Variants in EPB41L3 observed in about 807,000 individuals in gnomAD.
EPB41L3 encodes band 4.1-like protein 3.
A neutral mutation model predicts 127.1 loss-of-function variants in EPB41L3; 57 were observed. The observed-to-expected ratio is 0.45, with a 90% CI of 0.36 to 0.56. The LOEUF is 0.56. Among genes scored for constraint, EPB41L3 ranks in the 20% least tolerant of loss-of-function variants. EPB41L3 has a pLI of 0.00. For synonymous variants in EPB41L3, 572 were observed against 549.5 expected, an observed-to-expected ratio of 1.04 and a Z score of -0.57; for missense variants, 1,273 against 1,372.2, an observed-to-expected ratio of 0.93 and a Z score of 1.14.
intron 3 of EPB41L3, among the ~76,000 whole-genome samples, chr18:5,451,981 C>T (rs539387447): frequency 7.9e-5 from 12 of 152,226 alleles, no homozygotes; most frequent in African/African-American, 2.4e-4. Flanking sequence ...TGGGATTACA[C>T]CTGCCCGCCA....
intron 3 of EPB41L3, among the ~76,000 whole-genome samples, chr18:5,592,903 A>G (rs944776463): frequency 1.3e-5 from 2 of 152,248 alleles, no homozygotes; most frequent in Non-Finnish European, 2.9e-5. Flanking sequence ...TTGCAATTAA[A>G]AAAGAAAACA....
intron 1 of EPB41L3, among the ~76,000 whole-genome samples, chr18:5,490,105 C>A (rs1172746939): frequency 6.6e-6 from 1 of 152,136 alleles, no homozygotes; most frequent in East Asian, 1.9e-4. Flanking sequence ...ACATTTTTTT[C>A]TCCTACTAAT....
At position 5,397,515 on chromosome 18, in the gene EPB41L3, A is replaced by G; in HGVS notation, c.2473-89T>C. ...AAAGCTGCCACTCGCCAGGATGTCT[A>G]AAGCCAGCAGCAAGTGCTTATAACC... is the stretch of plus-strand genomic sequence containing the variant. On this transcript the variant is annotated intron_variant, in intron 17 of 22. Coordinates refer to ENST00000341928, the MANE Select transcript of EPB41L3 (RefSeq NM_012307.5). The surrounding 1 kb of genome is among the most constrained non-coding windows in gnomAD (Gnocchi z 4.1). The G allele has an allele frequency of 1.4e-6, 2 of 1,457,402 alleles. No homozygotes were observed. Among genetic ancestry groups the G allele is most frequent in the Non-Finnish European group, 1.8e-6 (2 of 1,091,982 alleles). 90.3% of individuals were successfully genotyped at this position (1,457,402 alleles called of 1,614,324 possible).
At chr18:5,525,643 CAT>C (rs1338120462) in intron 1 of EPB41L3, among the ~76,000 whole-genome samples, 1 of 152,080 alleles carries the variant, frequency 6.6e-6, no homozygotes, top group African/African-American at 2.4e-5. Context: ...GATTATAACA[CAT>C]ATGATTATTA....
chr18:5,396,105 T>C (rs2073400981), intron 19 of EPB41L3, 96 bp downstream of exon 19: 1 of 1,457,754 alleles, frequency 6.9e-7, no homozygotes, highest in African/African-American at 1.4e-5. Flanking sequence ...CCTCTAAGTC[T>C]CATGAATTAA....
At chr18:5,579,249 C>G (rs1171566175) in intron 3 of EPB41L3, among the ~76,000 whole-genome samples, 3 of 152,142 alleles carry the variant, frequency 2.0e-5, no homozygotes, top group Non-Finnish European at 4.4e-5. Flanking sequence ...TAAAGGCATA[C>G]TTTACATGCC....
In EPB41L3 at chr18:5,397,674, G is replaced by C. The variant is rs1233659643; in HGVS notation, c.2473-248C>G. Among the ~76,000 whole-genome samples the C allele has an allele frequency of 6.6e-6, 1 of 152,186 alleles. No individual in the cohort carries two copies. Among genetic ancestry groups the C allele is most frequent in the Non-Finnish European group, 1.5e-5 (1 of 68,040 alleles). On this transcript the variant is annotated intron_variant, in intron 17 of 22. Transcript: ENST00000341928. This position sits in a 1 kb window ranked among gnomAD's most constrained non-coding sequence, Gnocchi z 4.1. ...ACATCCGCAAAACAAACGGAAGGCA[G>C]GATAAAGTGCAATTAACAAAACAAA... is the stretch of plus-strand genomic sequence containing the variant.
chr18:5,420,518 G>A (rs2077346407), intron 11 of EPB41L3, among the ~76,000 whole-genome samples: 1 of 152,094 alleles, frequency 6.6e-6, no homozygotes, highest in Non-Finnish European at 1.5e-5. Context: ...GTACAGAAAT[G>A]TTTTCATTTC....
intron 1 of EPB41L3, among the ~76,000 whole-genome samples, chr18:5,526,412 C>T (rs373006062): frequency 6.6e-6 from 1 of 152,190 alleles, no homozygotes; most frequent in Non-Finnish European, 1.5e-5. Flanking sequence ...CCTTTATCAA[C>T]GAGACACATT....
intron 1 of EPB41L3, among the ~76,000 whole-genome samples, chr18:5,520,924 T>G (rs2092964993): frequency 6.6e-6 from 1 of 152,102 alleles, no homozygotes; most frequent in Non-Finnish European, 1.5e-5. Context: ...AAACATAAAC[T>G]CAGTATAGGT....
intron 12 of EPB41L3, among the ~76,000 whole-genome samples, chr18:5,417,786 A>T (rs2077006279): frequency 6.6e-6 from 1 of 152,160 alleles, no homozygotes; most frequent in South Asian, 2.1e-4. Context: ...ACACATTTGC[A>T]TTTGACATTA....
intron 3 of EPB41L3, among the ~76,000 whole-genome samples, chr18:5,605,532 C>T (rs1394139996): frequency 6.6e-6 from 1 of 152,166 alleles, no homozygotes; most frequent in Non-Finnish European, 1.5e-5. Flanking sequence ...GTACACACCA[C>T]CACACCTGGC....
chr18:5,482,202 T>C (rs2088700905), intron 2 of EPB41L3, among the ~76,000 whole-genome samples: 1 of 152,056 alleles, frequency 6.6e-6, no homozygotes, highest in African/African-American at 2.4e-5. Flanking sequence ...ATCTCAGAAC[T>C]GAGAAATACA....
intron 1 of EPB41L3, among the ~76,000 whole-genome samples, chr18:5,519,748 CTT>C (rs1490871771): frequency 1.3e-5 from 2 of 152,210 alleles, no homozygotes; most frequent in Admixed American, 1.3e-4. Flanking sequence ...GCAGGACAGT[CTT>C]TGTTTTTCCT....
chr18:5,542,525 G>A (rs1825246876), intron 1 of EPB41L3, among the ~76,000 whole-genome samples: 1 of 150,372 alleles, frequency 6.7e-6, no homozygotes, highest in African/African-American at 2.5e-5. Flanking sequence ...AAGCAATTCC[G>A]CGAGACTAAT....
chr18:5,422,926 A>C (rs2077659566), intron 11 of EPB41L3, among the ~76,000 whole-genome samples: 2 of 152,200 alleles, frequency 1.3e-5, no homozygotes, highest in African/African-American at 4.8e-5. Flanking sequence ...AGCTATTATC[A>C]ACTGACTGAT....
intron 1 of EPB41L3, among the ~76,000 whole-genome samples, chr18:5,536,576 C>A (rs1345534245): frequency 1.3e-5 from 2 of 149,720 alleles, no homozygotes; most frequent in Non-Finnish European, 3.0e-5. Flanking sequence ...CCAAGGCGGG[C>A]AGATCATTTG....
intron 1 of EPB41L3, among the ~76,000 whole-genome samples, chr18:5,530,661 C>T (rs1462612993): frequency 6.6e-6 from 1 of 152,110 alleles, no homozygotes; most frequent in Admixed American, 6.5e-5. Context: ...CCTGTCCAGC[C>T]GACTCCAGAC....
chr18:5,470,447 A>G (rs971366904), intron 3 of EPB41L3, among the ~76,000 whole-genome samples: 1 of 152,266 alleles, frequency 6.6e-6, no homozygotes, highest in Non-Finnish European at 1.5e-5. Context: ...AATTGTAAAG[A>G]AGAAAAACCA....
Sources: gnomAD v4.1 joint callset for allele counts (sites outside exome capture counted in the v4.1 genomes callset) on GRCh38, gnomAD v4.1.1 for gene constraint, Gnocchi (gnomAD v3.1) non-coding constraint, MANE v1.5 for transcripts, NCBI Gene and HGNC (gene_info 2026-07-23, HGNC 2026-07-21) for gene names.